CCSER1: variants seen among roughly 807,000 people sequenced by gnomAD.
The protein encoded by CCSER1 is coiled-coil serine rich protein 1, also known as serine-rich coiled-coil domain-containing protein 1.
A neutral mutation model predicts 82.0 loss-of-function variants in CCSER1; 41 were observed. The ratio of observed to expected loss-of-function variants is 0.50; its 90% CI spans 0.39 to 0.65. The LOEUF is 0.65. Ranked by LOEUF, CCSER1 falls within the 30% of genes least tolerant of loss-of-function variation. The pLI is 0.00. For missense variants in CCSER1, 1,119 were observed against 1,064.2 expected (o/e 1.05, Z -0.72); for synonymous variants, 414 against 383.9 (o/e 1.08, Z -0.92).
At chr4:91,097,948 T>G (rs1054438224) in intron 10 of CCSER1, among the ~76,000 whole-genome samples, 1 of 152,220 alleles carries the variant, frequency 6.6e-6, no homozygotes, top group Non-Finnish European at 1.5e-5. Flanking sequence ...AGTGTGCTGA[T>G]TCTCCATTTT....
At chr4:90,369,826 G>A (rs1747063860) in intron 3 of CCSER1, among the ~76,000 whole-genome samples, 1 of 152,000 alleles carries the variant, frequency 6.6e-6, no homozygotes, top group African/African-American at 2.4e-5. Flanking sequence ...ATACTGGGAA[G>A]TGATAAATGT....
chr4:91,590,035 G>A (rs1578869071), intron 10 of CCSER1, among the ~76,000 whole-genome samples: 1 of 151,904 alleles, frequency 6.6e-6, no homozygotes, highest in Non-Finnish European at 1.5e-5. Context: ...AGTGGCTTCT[G>A]GGAAAACTGT....
At chr4:91,551,743 T>C (rs2110225943) in intron 10 of CCSER1, among the ~76,000 whole-genome samples, 1 of 148,458 alleles carries the variant, frequency 6.7e-6, no homozygotes, top group South Asian at 2.1e-4. Context: ...GACTTTGCAA[T>C]GTACTACCAG....
intron 8 of CCSER1, among the ~76,000 whole-genome samples, chr4:90,843,385 G>C (rs1323211801): frequency 6.6e-6 from 1 of 152,164 alleles, no homozygotes; most frequent in Non-Finnish European, 1.5e-5. Context: ...AATAAACTAA[G>C]AGTTAGGCCT....
intron 5 of CCSER1, among the ~76,000 whole-genome samples, chr4:90,530,294 A>C (rs1298574413): frequency 6.6e-6 from 1 of 152,180 alleles, no homozygotes; most frequent in Non-Finnish European, 1.5e-5. Context: ...TATAGTTTTC[A>C]TAGATTATTG....
chr4:91,310,455 C>T (rs937593180), intron 10 of CCSER1, among the ~76,000 whole-genome samples: 2 of 151,078 alleles, frequency 1.3e-5, no homozygotes, highest in East Asian at 3.9e-4. Context: ...TTTTGTTGGG[C>T]CACATTCAAA....
Position 91,554,755 on chromosome 4 carries a change from A to C in CCSER1, c.2218-43817A>C, listed in dbSNP as rs150089767. ...AATAGCCAAAGAAGAGCAAAGCTGC[A>C]AAGACATCACACTACTGATTTTAGA... On this transcript the variant is annotated intron_variant, in intron 10 of 10. Coordinates refer to ENST00000509176, the MANE Select transcript of CCSER1 (RefSeq NM_001145065.2). Among the ~76,000 whole-genome samples, 71 of 151,456 alleles carry C rather than the reference A, an allele frequency of 4.7e-4. 1 individual carries two copies. Among genetic ancestry groups the C allele is most frequent in the African/African-American group, 1.7e-3 (71 of 41,338 alleles).
intron 10 of CCSER1, among the ~76,000 whole-genome samples, chr4:91,496,821 A>G (rs1308047094): frequency 2.2e-5 from 2 of 92,330 alleles, no homozygotes; most frequent in African/African-American, 7.2e-5. Context: ...TATTCAATAT[A>G]TATTGAATAT....
chr4:91,203,999 A>G (rs977243118), intron 10 of CCSER1, among the ~76,000 whole-genome samples: 5 of 151,876 alleles, frequency 3.3e-5, no homozygotes, highest in Non-Finnish European at 5.9e-5. Flanking sequence ...TTTAATATAT[A>G]GTTAGTGACT....
intron 10 of CCSER1, among the ~76,000 whole-genome samples, chr4:91,301,214 A>G (rs1465672313): frequency 6.6e-6 from 1 of 151,912 alleles, no homozygotes; most frequent in East Asian, 1.9e-4. Flanking sequence ...ACACAGTTGC[A>G]TGGGTTCTTT....
At chr4:91,073,129 T>G (rs4693258) in intron 9 of CCSER1, among the ~76,000 whole-genome samples, 106,084 of 151,908 alleles carry the variant, frequency 0.7, 38,376 homozygotes, top group African/African-American at 0.89. Context: ...ATTCAAAGAT[T>G]AATAGGATTA....
At chr4:90,913,060 C>T (rs1726678096) in intron 8 of CCSER1, among the ~76,000 whole-genome samples, 1 of 152,206 alleles carries the variant, frequency 6.6e-6, no homozygotes, top group African/African-American at 2.4e-5. Flanking sequence ...TTGGAAAACA[C>T]TCTGCAGGAT....
intron 10 of CCSER1, among the ~76,000 whole-genome samples, chr4:91,459,673 G>T (rs527737196): frequency 2.9e-4 from 44 of 152,242 alleles, no homozygotes; most frequent in Middle Eastern, 3.4e-3. Flanking sequence ...TGCTACCTCT[G>T]TCTTTAAGAC....
At chr4:91,421,346 C>G (rs1753672720) in intron 10 of CCSER1, among the ~76,000 whole-genome samples, 1 of 152,120 alleles carries the variant, frequency 6.6e-6, no homozygotes, top group Non-Finnish European at 1.5e-5. Flanking sequence ...ACCAGAGAAA[C>G]AGCATAACTC....
chr4:90,545,041 C>G (rs1776594813), intron 5 of CCSER1, among the ~76,000 whole-genome samples: 1 of 151,436 alleles, frequency 6.6e-6, no homozygotes, highest in South Asian at 2.1e-4. Flanking sequence ...AGCCTGCCAA[C>G]AATTAGCTAG....
intron 3 of CCSER1, among the ~76,000 whole-genome samples, chr4:90,363,564 C>T (rs1010786164): frequency 6.6e-6 from 1 of 151,590 alleles, no homozygotes; most frequent in Non-Finnish European, 1.5e-5. Context: ...TGCAACTTGG[C>T]TGCCTACCAT....
At chr4:90,486,721 G>T (rs1220203279) in intron 5 of CCSER1, among the ~76,000 whole-genome samples, 3 of 152,142 alleles carry the variant, frequency 2.0e-5, no homozygotes, top group Admixed American at 6.6e-5. Flanking sequence ...GATAAAAACT[G>T]CTTTTTTTGC....
At chr4:90,296,952 C>T (rs1478115155) in intron 1 of CCSER1, among the ~76,000 whole-genome samples, 1 of 152,110 alleles carries the variant, frequency 6.6e-6, no homozygotes, top group Non-Finnish European at 1.5e-5. Flanking sequence ...GTTCTTTTGG[C>T]TTAGGATTGA....
chr4:90,368,768 G>GCACA (rs71596526), intron 3 of CCSER1, among the ~76,000 whole-genome samples: 4 of 149,856 alleles, frequency 2.7e-5, no homozygotes, highest in South Asian at 2.1e-4. Context: ...ATATAAATAC[G>GCACA]CACACACACA....
Sources: allele counts gnomAD v4.1 joint callset (sites outside exome capture counted in the v4.1 genomes callset), GRCh38; gene constraint gnomAD v4.1.1; transcripts MANE v1.5; gene names NCBI Gene and HGNC (gene_info 2026-07-23, HGNC 2026-07-21).